IFT46: variants seen among roughly 807,000 people sequenced by gnomAD.
The protein encoded by IFT46 is intraflagellar transport 46.
Under a neutral mutation model 39.6 loss-of-function variants are expected in IFT46, and 19 were observed. The ratio of observed to expected loss-of-function variants is 0.48; its 90% confidence interval spans 0.33 to 0.70. The LOEUF (loss-of-function observed/expected upper bound fraction) is 0.70. IFT46 is among the 30% of genes least tolerant of loss of function. IFT46 has a pLI of 0.01. For missense variants in IFT46, 334 were observed against 364.8 expected (o/e 0.92, Z 0.69); for synonymous variants, 117 against 134.8 (o/e 0.87, Z 0.91).
chr11:118,567,173 G>T (rs1356892466), upstream of IFT46, among the ~76,000 whole-genome samples: 1 of 152,176 alleles, frequency 6.6e-6, no homozygotes, highest in Non-Finnish European at 1.5e-5. Flanking sequence ...GGGATTGCTT[G>T]AGCCAGGGAG....
upstream of IFT46, among the ~76,000 whole-genome samples, chr11:118,570,178 C>T (rs900883504): frequency 3.3e-5 from 5 of 151,786 alleles, no homozygotes; most frequent in African/African-American, 9.7e-5. Context: ...CTCAGCCTCC[C>T]GAACAGCTGA....
intron 1 of IFT46, chr11:118,572,476 T>C: frequency 6.4e-7 from 1 of 1,557,466 alleles, no homozygotes; most frequent in South Asian, 1.1e-5. Context: ...CTGCTGGTGC[T>C]CCCGTTCCCC....
intron 9 of IFT46, among the ~76,000 whole-genome samples, chr11:118,550,877 A>C (rs1951790713): frequency 6.6e-6 from 1 of 151,806 alleles, no homozygotes; most frequent in African/African-American, 2.4e-5. Context: ...AAATACAAAA[A>C]TTAGCCAGGC....
upstream of IFT46, chr11:118,573,546 T>C: frequency 3.6e-6 from 2 of 549,658 alleles, no homozygotes; most frequent in Non-Finnish European, 3.3e-6. Context: ...GTAATTTATT[T>C]TTCAGTGCAC....
At chr11:118,557,127 C>A in intron 3 of IFT46, 82 bp from the exon 4 acceptor site, 1 of 1,247,734 alleles carries the variant, frequency 8.0e-7, no homozygotes, top group Non-Finnish European at 1.1e-6. Flanking sequence ...TTGCTCTAAC[C>A]AATACACCAA....
At chr11:118,556,420 G>A (rs1420512673) in intron 4 of IFT46, among the ~76,000 whole-genome samples, 1 of 151,916 alleles carries the variant, frequency 6.6e-6, no homozygotes, top group African/African-American at 2.4e-5. Flanking sequence ...GTGAACCCAG[G>A]AGGCGGAGCT....
intron 4 of IFT46, 157 bp from the exon 5 acceptor site, chr11:118,555,479 T>C: frequency 1.7e-6 from 1 of 597,374 alleles, no homozygotes; most frequent in Non-Finnish European, 3.0e-6. Context: ...AAGGCAACTT[T>C]AAGGTTGATT....
At chr11:118,550,518 C>T (rs1951784754) in intron 9 of IFT46, among the ~76,000 whole-genome samples, 1 of 151,618 alleles carries the variant, frequency 6.6e-6, no homozygotes, top group Non-Finnish European at 1.5e-5. Flanking sequence ...ACAGAGTTTC[C>T]TTATGCTGCC....
intron 4 of IFT46, 109 bp from the exon 5 acceptor site, chr11:118,555,431 T>A: frequency 2.6e-6 from 2 of 780,600 alleles, no homozygotes; most frequent in Non-Finnish European, 4.3e-6. Context: ...TGAAGCTAGC[T>A]TCTGCCTCTC....
intron 3 of IFT46, among the ~76,000 whole-genome samples, chr11:118,558,521 G>A (rs1470322791): frequency 4.0e-5 from 6 of 151,482 alleles, no homozygotes; most frequent in Non-Finnish European, 5.9e-5. Flanking sequence ...CTTGAACCCT[G>A]GAGGCGGAGG....
At chr11:118,568,137 A>C (rs1303717906), upstream of IFT46, among the ~76,000 whole-genome samples, 1 of 152,248 alleles carries the variant, frequency 6.6e-6, no homozygotes, top group African/African-American at 2.4e-5. Context: ...TCTGAGATCC[A>C]AGTTGGAAGC....
chr11:118,573,989 A>G (rs1348072934), upstream of IFT46, among the ~76,000 whole-genome samples: 1 of 152,228 alleles, frequency 6.6e-6, no homozygotes, highest in Admixed American at 6.5e-5. Flanking sequence ...CTTGTATTAT[A>G]TAAACCAGAT....
At chr11:118,548,893 C>CTTTTTTTTT (rs570165873) in intron 9 of IFT46, among the ~76,000 whole-genome samples, 1 of 135,438 alleles carries the variant, frequency 7.4e-6, no homozygotes, top group Non-Finnish European at 1.6e-5. Flanking sequence ...TCCATTATGA[C>CTTTTTTTTT]TTTTTTTTTT....
chr11:118,575,303 A>G (rs1555073301), upstream of IFT46, among the ~76,000 whole-genome samples: 1 of 151,966 alleles, frequency 6.6e-6, no homozygotes, highest in African/African-American at 2.4e-5. Flanking sequence ...TATCTTTTTA[A>G]TTGTGTTTTG....
At chr11:118,575,255 G>A (rs530954870), upstream of IFT46, among the ~76,000 whole-genome samples, 4 of 152,300 alleles carry the variant, frequency 2.6e-5, no homozygotes, top group African/African-American at 4.8e-5. Flanking sequence ...TGGGATTATA[G>A]GTGTGAGCCA....
intron 8 of IFT46, 101 bp downstream of exon 8, chr11:118,552,113 C>T: frequency 7.0e-7 from 1 of 1,426,484 alleles, no homozygotes; most frequent in South Asian, 1.3e-5. Flanking sequence ...TCAGGTTGAT[C>T]AAATATGTTC....
At chr11:118,573,035 T>C (rs1415316895), upstream of IFT46, 1 of 164,054 alleles carries the variant, frequency 6.1e-6, no homozygotes, top group Admixed American at 6.3e-5. Flanking sequence ...AATCCACTGG[T>C]GTCCAGAAAT....
intron 9 of IFT46, among the ~76,000 whole-genome samples, chr11:118,547,711 C>T (rs1217492785): frequency 6.6e-6 from 1 of 150,698 alleles, no homozygotes; most frequent in Non-Finnish European, 1.5e-5. Context: ...CATGAGCCAC[C>T]GTGTCCAGCT....
upstream of IFT46, among the ~76,000 whole-genome samples, chr11:118,566,526 A>T (rs1264111395): frequency 6.6e-6 from 1 of 151,988 alleles, no homozygotes; most frequent in African/African-American, 2.4e-5. Flanking sequence ...CCCCGTCTCT[A>T]CTAAAAAATT....
Sources: allele counts gnomAD v4.1 joint callset (sites outside exome capture counted in the v4.1 genomes callset), GRCh38; gene constraint gnomAD v4.1.1; transcripts MANE v1.5; gene names NCBI Gene and HGNC (gene_info 2026-07-23, HGNC 2026-07-21).